GRM1: variants seen among roughly 807,000 people sequenced by gnomAD.
GRM1 encodes metabotropic glutamate receptor 1.
GRM1 carries 33 observed loss-of-function variants against 90.9 expected under a neutral mutation model. The observed-to-expected ratio is 0.36, with a 90% CI of 0.28 to 0.49. GRM1 has a LOEUF of 0.49. Ranked by LOEUF, GRM1 falls within the 20% of genes least tolerant of loss-of-function variation. The pLI is 0.99. For missense variants in GRM1, 1,190 were observed against 1,534.3 expected, an observed-to-expected ratio of 0.78 and a Z score of 3.75; for synonymous variants, 700 against 613.2, an observed-to-expected ratio of 1.14 and a Z score of -2.09.
chr6:146,064,428 T>C lies in GRM1; in HGVS notation c.700+34211T>C, dbSNP rs77351403. On this transcript the variant is annotated intron_variant, in intron 1 of 7. Transcript: ENST00000282753. ...CATTAACCAATATGAAATTTAATAC[T>C]AAACCCTGCAATTCTGTACCAATGT... Among the ~76,000 whole-genome samples the C allele has an allele frequency of 8.7e-3, 1,321 of 152,312 alleles. 13 individuals carry two copies. Among genetic ancestry groups the C allele is most frequent in the African/African-American group, 0.03 (1,268 of 41,578 alleles).
chr6:146,156,578 T>C (rs1231606852), intron 1 of GRM1, among the ~76,000 whole-genome samples: 2 of 152,222 alleles, frequency 1.3e-5, no homozygotes, highest in African/African-American at 4.8e-5. Context: ...CTTTATTGTG[T>C]TGTCAGCCTG....
intron 1 of GRM1, among the ~76,000 whole-genome samples, chr6:146,125,100 T>C (rs1243179844): frequency 2.0e-5 from 3 of 152,154 alleles, no homozygotes; most frequent in Non-Finnish European, 1.5e-5. Flanking sequence ...GGCTAGTTTT[T>C]ATATTTCTTT....
intron 1 of GRM1, among the ~76,000 whole-genome samples, chr6:146,100,225 A>G (rs1421136577): frequency 6.6e-6 from 1 of 152,180 alleles, no homozygotes; most frequent in Non-Finnish European, 1.5e-5. Flanking sequence ...CTATTGAAGT[A>G]TTGTTTTATG....
chr6:146,424,645 T>C (rs1778131576), intron 7 of GRM1, among the ~76,000 whole-genome samples: 1 of 152,266 alleles, frequency 6.6e-6, no homozygotes. Flanking sequence ...AGATTGTGTT[T>C]GTCTGTCTGT....
intron 2 of GRM1, among the ~76,000 whole-genome samples, chr6:146,220,674 A>G (rs1350021401): frequency 2.6e-5 from 4 of 151,984 alleles, no homozygotes; most frequent in Non-Finnish European, 4.4e-5. Context: ...CTTTTCATAT[A>G]TAAACTGAGT....
chr6:146,391,170 C>A (rs573112281), intron 6 of GRM1, among the ~76,000 whole-genome samples: 1 of 152,122 alleles, frequency 6.6e-6, no homozygotes, highest in East Asian at 1.9e-4. Context: ...TAAATTTCAT[C>A]CTCCTCCAAT....
intron 2 of GRM1, among the ~76,000 whole-genome samples, chr6:146,263,712 A>G (rs1781777061): frequency 1.3e-5 from 2 of 152,034 alleles, no homozygotes; most frequent in South Asian, 2.1e-4. Context: ...AATCTCTACA[A>G]TGTTTTAGGA....
At chr6:146,032,748 T>C (rs1582903004) in intron 1 of GRM1, among the ~76,000 whole-genome samples, 2 of 152,184 alleles carry the variant, frequency 1.3e-5, no homozygotes, top group East Asian at 3.8e-4. Flanking sequence ...AAATCAGCCA[T>C]TCCCTAGTCA....
chr6:146,350,455 A>G (rs1186464658), intron 3 of GRM1, among the ~76,000 whole-genome samples: 3 of 132,910 alleles, frequency 2.3e-5, no homozygotes, highest in Non-Finnish European at 3.2e-5. Context: ...TTATTTTGCC[A>G]CTCAATTTTT....
At chr6:146,315,562 C>G (rs974901470) in intron 3 of GRM1, among the ~76,000 whole-genome samples, 1 of 152,242 alleles carries the variant, frequency 6.6e-6, no homozygotes, top group Non-Finnish European at 1.5e-5. Context: ...CTGTAGTTCT[C>G]AAGCATGGCT....
chr6:146,201,187 G>T (rs1277169089), intron 2 of GRM1, among the ~76,000 whole-genome samples: 1 of 152,188 alleles, frequency 6.6e-6, no homozygotes, highest in Non-Finnish European at 1.5e-5. Context: ...TTGAGTTGCT[G>T]ATATAAATTA....
chr6:146,365,195 C>T (rs572912980), intron 5 of GRM1: 6 of 151,746 alleles, frequency 4.0e-5, no homozygotes, highest in African/African-American at 1.5e-4. Flanking sequence ...GAATTGAAGT[C>T]CAAACATTGT....
chr6:146,087,674 A>G (rs1776591104), intron 1 of GRM1, among the ~76,000 whole-genome samples: 1 of 152,174 alleles, frequency 6.6e-6, no homozygotes, highest in Non-Finnish European at 1.5e-5. Flanking sequence ...AAAGAATGTT[A>G]TATAAATGAA....
intron 5 of GRM1, among the ~76,000 whole-genome samples, chr6:146,383,165 TC>T (rs1189600050): frequency 6.6e-6 from 1 of 152,224 alleles, no homozygotes; most frequent in Non-Finnish European, 1.5e-5. Context: ...CATGTAAGCA[TC>T]CCTATTTTTA....
intron 2 of GRM1, 52 bp downstream of exon 2, chr6:146,159,649 ACACATG>A: frequency 6.8e-7 from 1 of 1,468,778 alleles, no homozygotes; most frequent in African/African-American, 1.4e-5. Flanking sequence ...TCTCACACAC[ACACATG>A]CACACACACA....
chr6:146,029,503 C>G lies in GRM1; in HGVS notation c.-15C>G. 7 of 1,601,644 alleles carry G rather than the reference C, an allele frequency of 4.4e-6. No homozygotes were observed. Among genetic ancestry groups the G allele is most frequent in the Non-Finnish European group, 5.1e-6 (6 of 1,168,698 alleles). ...GGAACGCGGCTGGCAGGCTGTGGAC[C>G]TCGTCCTCACCACCATGGTCGGGCT... On this transcript the variant is annotated 5_prime_UTR_variant, in exon 1 of 8. Transcript: ENST00000282753.
At chr6:146,371,662 G>T (rs912990315) in intron 5 of GRM1, among the ~76,000 whole-genome samples, 2 of 152,008 alleles carry the variant, frequency 1.3e-5, no homozygotes, top group South Asian at 2.1e-4. Context: ...TACTATGTCC[G>T]TGAGTTCAAT....
At chr6:146,032,556 G>T (rs536053990) in intron 1 of GRM1, among the ~76,000 whole-genome samples, 1 of 152,166 alleles carries the variant, frequency 6.6e-6, no homozygotes, top group South Asian at 2.1e-4. Flanking sequence ...TAATTTTACT[G>T]CTTTCAGACT....
At chr6:146,244,791 G>A (rs1780997668) in intron 2 of GRM1, among the ~76,000 whole-genome samples, 1 of 152,172 alleles carries the variant, frequency 6.6e-6, no homozygotes, top group African/African-American at 2.4e-5. Flanking sequence ...GTCCTGATTA[G>A]CAAGCTCTCA....
Sources: gnomAD v4.1 joint callset for allele counts (sites outside exome capture counted in the v4.1 genomes callset) on GRCh38, gnomAD v4.1.1 for gene constraint, MANE v1.5 for transcripts, NCBI Gene and HGNC (gene_info 2026-07-23, HGNC 2026-07-21) for gene names.